Variants in GRIK2 observed in about 807,000 individuals in gnomAD.
The protein encoded by GRIK2 is glutamate ionotropic receptor kainate type subunit 2, also known as glutamate receptor ionotropic, kainate 2.
Under a neutral mutation model 100.3 loss-of-function variants are expected in GRIK2, and 32 were observed. The ratio of observed to expected loss-of-function variants is 0.32; its 90% confidence interval spans 0.24 to 0.43. The LOEUF (loss-of-function observed/expected upper bound fraction) is 0.43. Ranked by LOEUF, GRIK2 falls within the 20% of genes least tolerant of loss-of-function variation. GRIK2 has a pLI of 1.00. For synonymous variants in GRIK2, 417 were observed against 389.4 expected (o/e 1.07, Z -0.83); for missense variants, 843 against 1,114.9 (o/e 0.76, Z 3.47).
At chr6:101,767,269 A>G (rs537712299) in intron 7 of GRIK2, among the ~76,000 whole-genome samples, 1 of 152,332 alleles carries the variant, frequency 6.6e-6, no homozygotes, top group East Asian at 1.9e-4. Context: ...TCCAAACAGT[A>G]ATCAATTCAC....
intron 7 of GRIK2, among the ~76,000 whole-genome samples, chr6:101,737,210 G>C (rs1328396259): frequency 6.6e-6 from 1 of 151,994 alleles, no homozygotes; most frequent in African/African-American, 2.4e-5. Context: ...CCTCCAATCT[G>C]TTCCACCCTC....
At chr6:101,524,968 G>T (rs1024710531) in intron 2 of GRIK2, among the ~76,000 whole-genome samples, 1 of 151,942 alleles carries the variant, frequency 6.6e-6, no homozygotes, top group Non-Finnish European at 1.5e-5. Flanking sequence ...CCTGACTTCA[G>T]GCGATCTACC....
At chr6:101,755,035 G>A (rs894150103) in intron 7 of GRIK2, among the ~76,000 whole-genome samples, 2 of 152,068 alleles carry the variant, frequency 1.3e-5, no homozygotes, top group Non-Finnish European at 2.9e-5. Flanking sequence ...GTGGCCAATG[G>A]CCGACACCAA....
At chr6:101,557,966 A>T (rs1472360562) in intron 2 of GRIK2, among the ~76,000 whole-genome samples, 1 of 152,158 alleles carries the variant, frequency 6.6e-6, no homozygotes, top group East Asian at 1.9e-4. Context: ...GTTTTCTTAA[A>T]GTTACTCTCT....
chr6:101,504,233 C>A (rs1050034483), intron 2 of GRIK2, among the ~76,000 whole-genome samples: 1 of 152,008 alleles, frequency 6.6e-6, no homozygotes, highest in Non-Finnish European at 1.5e-5. Context: ...TATTTAAAAT[C>A]GTATGTTTAA....
intron 2 of GRIK2, among the ~76,000 whole-genome samples, chr6:101,533,430 A>T (rs1444916061): frequency 6.6e-6 from 1 of 151,928 alleles, no homozygotes; most frequent in African/African-American, 2.4e-5. Context: ...ATAGAAATTT[A>T]AAATCAGTTA....
At chr6:101,555,492 TC>T (rs1278452907) in intron 2 of GRIK2, among the ~76,000 whole-genome samples, 2 of 152,286 alleles carry the variant, frequency 1.3e-5, no homozygotes, top group Non-Finnish European at 2.9e-5. Context: ...TCAGACTAAC[TC>T]CTATATCCAG....
At chr6:101,717,901 T>C (rs1332321094) in intron 7 of GRIK2, among the ~76,000 whole-genome samples, 1 of 151,798 alleles carries the variant, frequency 6.6e-6, no homozygotes, top group Admixed American at 6.6e-5. Flanking sequence ...TATTAAATTA[T>C]ACTACCCAGG....
chr6:101,669,982 C>G (rs536446050), intron 4 of GRIK2, among the ~76,000 whole-genome samples: 2 of 152,112 alleles, frequency 1.3e-5, no homozygotes, highest in African/African-American at 2.4e-5. Flanking sequence ...CTAAGCAACT[C>G]CTGGTGCAGG....
At chr6:101,995,680 T>A (rs962658146) in intron 14 of GRIK2, among the ~76,000 whole-genome samples, 1 of 151,924 alleles carries the variant, frequency 6.6e-6, no homozygotes, top group Non-Finnish European at 1.5e-5. Flanking sequence ...GTATATATAA[T>A]ACATATGCGA....
intron 10 of GRIK2, among the ~76,000 whole-genome samples, chr6:101,834,669 TCTA>T (rs1782946308): frequency 6.6e-6 from 1 of 152,178 alleles, no homozygotes; most frequent in African/African-American, 2.4e-5. Flanking sequence ...ACTTTTAACA[TCTA>T]CACATTTCTT....
At chr6:101,834,127 A>G (rs1360111775) in intron 10 of GRIK2, among the ~76,000 whole-genome samples, 1 of 152,030 alleles carries the variant, frequency 6.6e-6, no homozygotes, top group Non-Finnish European at 1.5e-5. Flanking sequence ...CAGGTATTCA[A>G]ATTTATTAAC....
At chr6:102,068,149 G>A (rs536351388) in intron 16 of GRIK2, among the ~76,000 whole-genome samples, 198 bp from the exon 17 acceptor site, 2 of 151,866 alleles carry the variant, frequency 1.3e-5, no homozygotes, top group East Asian at 3.9e-4. Flanking sequence ...CTTTAAACTA[G>A]CCCACTTTTA....
chr6:101,542,219 A>G (rs959666338), intron 2 of GRIK2, among the ~76,000 whole-genome samples: 2 of 152,060 alleles, frequency 1.3e-5, no homozygotes, highest in African/African-American at 4.8e-5. Flanking sequence ...ATGAGCTTTG[A>G]GAGATTTTTC....
chr6:101,402,239 C>T (rs995569179), intron 2 of GRIK2, among the ~76,000 whole-genome samples: 2 of 152,194 alleles, frequency 1.3e-5, no homozygotes, highest in Non-Finnish European at 2.9e-5. Context: ...CACAATAACA[C>T]ACACATACAC....
chr6:101,851,957 CAAA>C (rs35210713), intron 10 of GRIK2, among the ~76,000 whole-genome samples: 5 of 130,182 alleles, frequency 3.8e-5, no homozygotes, highest in Non-Finnish European at 4.9e-5. Flanking sequence ...TGACTATGGG[CAAA>C]AAAAAAAAAA....
chr6:102,049,589 G>A (rs1455142866), intron 15 of GRIK2, among the ~76,000 whole-genome samples: 1 of 152,084 alleles, frequency 6.6e-6, no homozygotes, highest in Non-Finnish European at 1.5e-5. Context: ...GAATTTGCAT[G>A]AGATATATTT....
At chr6:101,561,734 A>C (rs997447694) in intron 2 of GRIK2, among the ~76,000 whole-genome samples, 1 of 152,156 alleles carries the variant, frequency 6.6e-6, no homozygotes, top group African/African-American at 2.4e-5. Context: ...AGAGGGAGTA[A>C]TTGGACTTGG....
In GRIK2 at chr6:101,640,478, C is replaced by A. The variant is rs1339537955; in HGVS notation, c.541+13841C>A. On this transcript the variant is annotated intron_variant, in intron 4 of 16. Coordinates refer to ENST00000369134, the MANE Select transcript of GRIK2 (RefSeq NM_021956.5). ...GCAATTGTGCTCAAGTTCAAAGCAT[C>A]CTAAAATACCGCCAAAATATCAAAG... 3.3e-5 allele frequency among the ~76,000 whole-genome samples: 5 copies of A among 152,226 alleles called. No homozygotes were observed. In the East Asian group the frequency reaches 9.7e-4, roughly 29 times the overall value.
Sources: allele counts gnomAD v4.1 joint callset (sites outside exome capture counted in the v4.1 genomes callset), GRCh38; gene constraint gnomAD v4.1.1; transcripts MANE v1.5; gene names NCBI Gene and HGNC (gene_info 2026-07-23, HGNC 2026-07-21).